PPP1R1C: variants seen among roughly 807,000 people sequenced by gnomAD.
PPP1R1C encodes protein phosphatase 1 regulatory inhibitor subunit 1C, also known as protein phosphatase 1 regulatory subunit 1C.
A neutral mutation model predicts 17.4 loss-of-function variants in PPP1R1C; 15 were observed. That is an observed-to-expected ratio of 0.86 (90% CI 0.58 to 1.33). The LOEUF (loss-of-function observed/expected upper bound fraction) is 1.33, where lower values mean the gene tolerates loss of function less well. Among genes scored for constraint, PPP1R1C ranks in the 40% most tolerant of loss-of-function variants. The pLI is 0.00. For missense variants in PPP1R1C, 143 were observed against 130.0 expected (o/e 1.10, Z -0.48); for synonymous variants, 35 against 43.1 (o/e 0.81, Z 0.73).
rs1360630219 is a variant in PPP1R1C, at chr2:181,962,298, C to T, written n.111+7664C>T. ...CCGGCCATCCCCGCGGCCAGGTCCC[C>T]GGACCCCATGCCACCCCGGAAGCTG... On this transcript the variant is annotated intron_variant and non_coding_transcript_variant, in intron 1 of 5. Coordinates refer to the PPP1R1C transcript ENST00000464264. The surrounding 1 kb of genome is among the most constrained non-coding windows in gnomAD (Gnocchi z 6.0). 15 of 786,602 alleles carry T rather than the reference C, an allele frequency of 1.9e-5. No individual in the cohort carries two copies. Among genetic ancestry groups the T allele is most frequent in the Middle Eastern group, 5.7e-4 (2 of 3,490 alleles). The allele number at this position is 786,602 out of a possible 1,614,324, so 48.7% of individuals were successfully genotyped here. A position where few individuals can be genotyped will look rare whatever the true frequency, so the allele number is the denominator to read the frequency against.
rs1331507087 is a variant in PPP1R1C at position 181,986,031 on chromosome 2, C to T, written c.-80C>T. On this transcript the variant is annotated 5_prime_UTR_variant, in exon 1 of 5. Transcript: ENST00000682840. ...CTCTGTGTGGCTTAGTGGAGTGTGTCTGAGGAAACACATCCCGGACACCAC... is the reference window on the plus strand; with the variant it reads ...CTCTGTGTGGCTTAGTGGAGTGTGTTTGAGGAAACACATCCCGGACACCAC... The T allele has an allele frequency of 1.9e-5, 20 of 1,076,212 alleles. 1 individual carries two copies. The African/African-American group carries it at 1.9e-4, about 10-fold the overall frequency. The allele number at this position is 1,076,212 out of a possible 1,614,324, so 66.7% of individuals were successfully genotyped here.
intron 2 of PPP1R1C, among the ~76,000 whole-genome samples, chr2:182,043,558 G>A (rs138489849): frequency 1.3e-5 from 2 of 150,674 alleles, no homozygotes; most frequent in Non-Finnish European, 3.0e-5. Flanking sequence ...TAAACAGCAC[G>A]CCATGTGTAA....
At chr2:182,065,327 A>G (rs770838642) in intron 4 of PPP1R1C, among the ~76,000 whole-genome samples, 1 of 152,158 alleles carries the variant, frequency 6.6e-6, no homozygotes, top group Non-Finnish European at 1.5e-5. Context: ...AGAGAAAGCT[A>G]AATGCAAATA....
chr2:182,012,404 C>T (rs535605031), intron 2 of PPP1R1C, among the ~76,000 whole-genome samples: 2 of 151,958 alleles, frequency 1.3e-5, no homozygotes, highest in Admixed American at 6.5e-5. Context: ...GTTTGTTTTG[C>T]CTGATATAAG....
chr2:182,005,783 T>C (rs1000569257), intron 2 of PPP1R1C, among the ~76,000 whole-genome samples: 2 of 152,184 alleles, frequency 1.3e-5, no homozygotes, highest in Non-Finnish European at 2.9e-5. Context: ...CAGAAGAGGT[T>C]AACGTTGGAA....
chr2:182,023,874 A>G (rs1391736390), intron 2 of PPP1R1C: 1 of 152,098 alleles, frequency 6.6e-6, no homozygotes, highest in Non-Finnish European at 1.5e-5. Context: ...GTGCTCAAGC[A>G]ATCCTCCCAC....
intron 2 of PPP1R1C, among the ~76,000 whole-genome samples, chr2:181,989,153 T>G (rs913571682): frequency 8.5e-5 from 13 of 152,174 alleles, no homozygotes; most frequent in African/African-American, 2.9e-4. Context: ...TCCTAAAACT[T>G]TCCTCCCTAT....
intron 5 of PPP1R1C, among the ~76,000 whole-genome samples, chr2:182,124,317 T>C (rs535247135): frequency 1.2e-5 from 1 of 83,300 alleles, no homozygotes; most frequent in Non-Finnish European, 2.3e-5. Context: ...TTTTTTTGTT[T>C]TTTTTTTTTG....
Position 182,090,446 on chromosome 2 carries a change from T to TAAAC in PPP1R1C, c.241+26658_241+26661dup, listed in dbSNP as rs556000775. On this transcript the variant is annotated intron_variant, in intron 4 of 4. Transcript: ENST00000682840. Reference sequence around the variant, plus strand: ...TTGGTAAAGAATGTTTTCCCAATCTTAAACAAGTAGTAAATTAGGTGATAT... The same window carrying TAAAC: ...TTGGTAAAGAATGTTTTCCCAATCTTAAACAAACAAGTAGTAAATTAGGTGATAT... 1.2e-4 allele frequency among the ~76,000 whole-genome samples: 18 copies of TAAAC among 152,152 alleles called. 2 individuals carry two copies. In the South Asian group the frequency reaches 3.7e-3, roughly 32 times the overall value.
At chr2:182,004,593 G>A (rs1685862152) in intron 2 of PPP1R1C, among the ~76,000 whole-genome samples, 1 of 152,236 alleles carries the variant, frequency 6.6e-6, no homozygotes, top group Non-Finnish European at 1.5e-5. Context: ...TATGAATGGA[G>A]CCTGTTATGT....
intron 2 of PPP1R1C, among the ~76,000 whole-genome samples, chr2:181,991,491 T>C (rs1036012785): frequency 6.6e-6 from 1 of 152,148 alleles, no homozygotes; most frequent in African/African-American, 2.4e-5. Flanking sequence ...ATTTTTAAAT[T>C]GAAGGCATGA....
intron 4 of PPP1R1C, chr2:182,103,929 G>GGA (rs1403992270): frequency 6.6e-6 from 1 of 152,188 alleles, no homozygotes; most frequent in Non-Finnish European, 1.5e-5. Context: ...TTCAGTAACA[G>GGA]GAGAATCACT....
At chr2:182,042,896 A>G (rs1248999511) in intron 2 of PPP1R1C, among the ~76,000 whole-genome samples, 3 of 152,230 alleles carry the variant, frequency 2.0e-5, no homozygotes, top group Non-Finnish European at 2.9e-5. Context: ...TCGGTCAACT[A>G]GAGATGATTG....
chr2:182,003,334 C>G (rs914230761), intron 2 of PPP1R1C, among the ~76,000 whole-genome samples: 4 of 152,110 alleles, frequency 2.6e-5, no homozygotes, highest in Middle Eastern at 6.3e-3. Flanking sequence ...TATTCTTAGG[C>G]CTGGACCTGC....
At chr2:182,119,992 C>T (rs1689692304), downstream of PPP1R1C, among the ~76,000 whole-genome samples, 1 of 152,132 alleles carries the variant, frequency 6.6e-6, no homozygotes, top group Non-Finnish European at 1.5e-5. Context: ...ATGCCTATGT[C>T]CTGAATGGTA....
intron 5 of PPP1R1C, among the ~76,000 whole-genome samples, chr2:182,123,766 T>A (rs1574469671): frequency 6.6e-6 from 1 of 152,176 alleles, no homozygotes; most frequent in East Asian, 1.9e-4. Flanking sequence ...CTTTATCAAA[T>A]AGATAGATTG....
At chr2:182,127,631 A>G (rs938400706) in intron 5 of PPP1R1C, among the ~76,000 whole-genome samples, 4 of 152,100 alleles carry the variant, frequency 2.6e-5, no homozygotes, top group Non-Finnish European at 5.9e-5. Context: ...ATAACAAAGA[A>G]GCAAAACTTT....
chr2:182,124,327 G>GTTTTTTTTTTGTTTTTTTTTTTTTTTTT (rs1689816316), intron 5 of PPP1R1C, among the ~76,000 whole-genome samples: 3 of 83,008 alleles, frequency 3.6e-5, no homozygotes, highest in East Asian at 3.4e-4. Flanking sequence ...TTTTTTTTTT[G>GTTTTTTTTTTGTTTTTTTTTTTTTTTTT]TTTTTTTTTT....
intron 2 of PPP1R1C, among the ~76,000 whole-genome samples, chr2:182,046,710 G>A (rs905011951): frequency 6.6e-6 from 1 of 150,542 alleles, no homozygotes; most frequent in Admixed American, 6.6e-5. Context: ...CTGCATTCCA[G>A]CCTGGCAACA....
Sources: gnomAD v4.1 joint callset for allele counts (sites outside exome capture counted in the v4.1 genomes callset) on GRCh38, gnomAD v4.1.1 for gene constraint, Gnocchi (gnomAD v3.1) non-coding constraint, MANE v1.5 for transcripts, NCBI Gene and HGNC (gene_info 2026-07-23, HGNC 2026-07-21) for gene names.